The following CTNND2 variants were observed in gnomAD, a reference collection of about 807,000 sequenced individuals.
CTNND2 encodes catenin delta 2.
In CTNND2, 22 loss-of-function variants were observed where a neutral mutation model predicts 144.4. That is an observed-to-expected ratio of 0.15 (90% CI 0.11 to 0.22). The LOEUF (loss-of-function observed/expected upper bound fraction) is 0.22, where lower values mean the gene tolerates loss of function less well. Ranked by LOEUF, CTNND2 falls within the 10% of genes least tolerant of loss-of-function variation. The pLI, the probability that CTNND2 is intolerant of heterozygous loss-of-function variation, is 1.00. For synonymous variants in CTNND2, 751 were observed against 695.6 expected, an observed-to-expected ratio of 1.08 and a Z score of -1.25; for missense variants, 1,353 against 1,618.8, an observed-to-expected ratio of 0.84 and a Z score of 2.82.
chr5:11,099,024 C>T (rs1382007962), intron 14 of CTNND2, among the ~76,000 whole-genome samples: 6 of 151,956 alleles, frequency 3.9e-5, no homozygotes, highest in East Asian at 3.9e-4. Flanking sequence ...TCTCCAAGAA[C>T]GACTCTAACA....
chr5:11,732,316 C>T (rs558463199), intron 1 of CTNND2, 44 bp from the exon 2 acceptor site: 4 of 1,584,248 alleles, frequency 2.5e-6, no homozygotes, highest in South Asian at 1.1e-5. Flanking sequence ...GATGTTGACA[C>T]TAAACAGGTA....
At chr5:11,803,618 C>T (rs1791822280) in intron 1 of CTNND2, among the ~76,000 whole-genome samples, 1 of 152,218 alleles carries the variant, frequency 6.6e-6, no homozygotes, top group African/African-American at 2.4e-5. Flanking sequence ...AACCCTCTGC[C>T]TGTCACATGT....
chr5:11,411,931 G>T, intron 4 of CTNND2, 104 bp downstream of exon 4: 1 of 933,442 alleles, frequency 1.1e-6, no homozygotes, highest in Non-Finnish European at 1.7e-6. Flanking sequence ...CTATCGGGAT[G>T]TTTTCCTATT....
At chr5:11,728,145 G>C (rs1487766447) in intron 2 of CTNND2, among the ~76,000 whole-genome samples, 3 of 152,088 alleles carry the variant, frequency 2.0e-5, no homozygotes, top group African/African-American at 7.2e-5. Flanking sequence ...CATATATAAA[G>C]TACTCAGTGT....
intron 12 of CTNND2, among the ~76,000 whole-genome samples, chr5:11,135,809 C>T (rs1020331941): frequency 2.6e-5 from 4 of 152,168 alleles, no homozygotes; most frequent in Admixed American, 6.5e-5. Context: ...TACCATGCAG[C>T]GAGATGCAGT....
chr5:11,324,454 CG>C (rs1183055707), intron 9 of CTNND2, among the ~76,000 whole-genome samples: 1 of 152,156 alleles, frequency 6.6e-6, no homozygotes, highest in Non-Finnish European at 1.5e-5. Flanking sequence ...ATCATATACT[CG>C]TTTTTTGTTG....
chr5:11,009,513 C>T (rs916865998), intron 18 of CTNND2, among the ~76,000 whole-genome samples: 11 of 152,160 alleles, frequency 7.2e-5, no homozygotes, highest in Non-Finnish European at 1.3e-4. Flanking sequence ...CACCAGAAAA[C>T]GAGGGAGTAA....
At chr5:11,394,467 T>C (rs916251531) in intron 6 of CTNND2, among the ~76,000 whole-genome samples, 2 of 152,152 alleles carry the variant, frequency 1.3e-5, no homozygotes, top group South Asian at 2.1e-4. Flanking sequence ...GCTTGCAGCA[T>C]AGCTGAGCAG....
At chr5:11,340,327 C>A (rs1007395584) in intron 9 of CTNND2, among the ~76,000 whole-genome samples, 5 of 152,250 alleles carry the variant, frequency 3.3e-5, no homozygotes, top group African/African-American at 9.6e-5. Context: ...AAAAATGAGG[C>A]TGTTTTCAGG....
intron 3 of CTNND2, among the ~76,000 whole-genome samples, chr5:11,489,552 C>A (rs1273652801): frequency 6.6e-6 from 1 of 152,150 alleles, no homozygotes. Context: ...ACTAGAGGAG[C>A]TTTCCAACAC....
intron 1 of CTNND2, among the ~76,000 whole-genome samples, chr5:11,875,561 C>T (rs1024771657): frequency 2.0e-5 from 3 of 152,016 alleles, no homozygotes; most frequent in East Asian, 1.9e-4. Flanking sequence ...CAGATGAGGT[C>T]GTGAGGGTTG....
chr5:11,520,526 C>T (rs770262597), intron 3 of CTNND2, among the ~76,000 whole-genome samples: 1 of 152,214 alleles, frequency 6.6e-6, no homozygotes, highest in African/African-American at 2.4e-5. Context: ...AGTAGAGGAT[C>T]CCTTTCACAA....
intron 9 of CTNND2, among the ~76,000 whole-genome samples, chr5:11,297,277 A>G (rs981122313): frequency 6.6e-6 from 1 of 152,270 alleles, no homozygotes; most frequent in African/African-American, 2.4e-5. Flanking sequence ...GAGTTTTGGT[A>G]TAGTATCAAA....
chr5:11,254,194 A>C (rs1387492939), intron 9 of CTNND2, among the ~76,000 whole-genome samples: 3 of 152,214 alleles, frequency 2.0e-5, no homozygotes, highest in Non-Finnish European at 4.4e-5. Flanking sequence ...ATTAGTAGTC[A>C]ATCCACTTTT....
chr5:11,276,626 T>G (rs188757797), intron 9 of CTNND2, among the ~76,000 whole-genome samples: 2 of 152,152 alleles, frequency 1.3e-5, no homozygotes, highest in Non-Finnish European at 2.9e-5. Flanking sequence ...TACATCCAAG[T>G]GCTAATACCC....
At chr5:11,055,699 C>T (rs1746284832) in intron 16 of CTNND2, among the ~76,000 whole-genome samples, 1 of 152,166 alleles carries the variant, frequency 6.6e-6, no homozygotes, top group African/African-American at 2.4e-5. Flanking sequence ...TGTGCTGGGG[C>T]ATGTGCTATC....
intron 5 of CTNND2, among the ~76,000 whole-genome samples, chr5:11,403,325 A>T (rs1481815551): frequency 1.3e-5 from 2 of 152,036 alleles, no homozygotes; most frequent in East Asian, 3.9e-4. Context: ...CTCCTGTGTT[A>T]GTTTGCTGAG....
At chr5:11,080,059 T>G (rs1749388044) in intron 16 of CTNND2, among the ~76,000 whole-genome samples, 1 of 151,994 alleles carries the variant, frequency 6.6e-6, no homozygotes, top group African/African-American at 2.4e-5. Context: ...GAAAATATTA[T>G]TAGTAACCAA....
rs558556565 is a variant in CTNND2 at position 11,645,323 on chromosome 5, TTATTA to T, written c.175-80272_175-80268del. 2.7e-3 allele frequency among the ~76,000 whole-genome samples: 413 copies of T among 152,236 alleles called. 1 individual carries two copies. The highest frequency in any genetic ancestry group is 9.2e-3 in the African/African-American group (384 of 41,542). On this transcript the variant is annotated intron_variant, in intron 2 of 21. Transcript: ENST00000304623. ...GCTAGAATGGTTCCCTCCCCCACAT[TTATTA>T]TATTATGACTCAACAGAATGTGAAA...
Sources: allele counts gnomAD v4.1 joint callset (sites outside exome capture counted in the v4.1 genomes callset), GRCh38; gene constraint gnomAD v4.1.1; transcripts MANE v1.5; gene names NCBI Gene and HGNC (gene_info 2026-07-23, HGNC 2026-07-21).